Variants in HIF1AN observed in about 807,000 individuals in gnomAD.
HIF1AN encodes the protein hypoxia-inducible factor 1-alpha inhibitor.
Under a neutral mutation model 47.7 loss-of-function variants are expected in HIF1AN, and 21 were observed. The ratio of observed to expected loss-of-function variants is 0.44; its 90% CI spans 0.31 to 0.63. HIF1AN has a LOEUF of 0.63. Among genes scored for constraint, HIF1AN ranks in the 30% least tolerant of loss-of-function variants. The pLI is 0.07. For missense variants in HIF1AN, 320 were observed against 432.7 expected (o/e 0.74, Z 2.31); for synonymous variants, 152 against 155.9 (o/e 0.98, Z 0.18).
rs1047707304 is a variant in HIF1AN, at chr10:100,558,232, A to G, written c.*10095A>G. 1 of 152,278 alleles carries G rather than the reference A, an allele frequency of 6.6e-6. No individual in the cohort carries two copies. 9.4% of individuals were successfully genotyped at this position (152,278 alleles called of 1,614,324 possible). The stretch of plus-strand genomic sequence containing the variant: ...AGGGTGAGGAGGCCAGCATTCTGTC[A>G]GGAGAACCTTAGGAATTGTGACCAG... On this transcript the variant is annotated 3_prime_UTR_variant, in exon 8 of 8. Coordinates refer to ENST00000299163, the MANE Select transcript of HIF1AN (RefSeq NM_017902.3).
At position 100,545,845 on chromosome 10, in the gene HIF1AN, G is replaced by T. The variant is rs58091100; in HGVS notation, c.724-98G>T. ...TTTTTTAAGGCATCGTTTTTTTTTT[G>T]TTTGTTTGTTTGTTTTTACTGCCAA... On this transcript the variant is annotated intron_variant, in intron 4 of 7. Transcript: ENST00000299163. 3,768 of 644,792 alleles carry T rather than the reference G, an allele frequency of 5.8e-3. 27 individuals are homozygous for T. Among genetic ancestry groups the T allele is most frequent in the East Asian group, 0.033 (1,159 of 34,860 alleles). 39.9% of individuals were successfully genotyped at this position (644,792 alleles called of 1,614,324 possible).
rs997121656 is a variant in HIF1AN at position 100,548,983 on chromosome 10, CTGTG to C, written c.*850_*853del. 1 of 152,268 alleles carries C rather than the reference CTGTG, an allele frequency of 6.6e-6. No individual in the cohort carries two copies. The highest frequency in any genetic ancestry group is 2.4e-5 in the African/African-American group (1 of 41,314). 9.4% of individuals were successfully genotyped at this position (152,268 alleles called of 1,614,324 possible). A position where few individuals can be genotyped will look rare whatever the true frequency, so the allele number is the denominator to read the frequency against. On this transcript the variant is annotated 3_prime_UTR_variant, in exon 8 of 8. Coordinates refer to ENST00000299163, the MANE Select transcript of HIF1AN (RefSeq NM_017902.3). ...CTCTAGGTTCTAGGGGTGCAAGCCT[CTGTG>C]TGTTTGTTTGTGTGTGTCTGTGTGT...
In HIF1AN at chr10:100,544,699, C is replaced by T. The variant is rs537874407; in HGVS notation, c.578-252C>T. ...TCTTGCTTCCAGTAAGGGCAGCAGC[C>T]TTCATTTAGGGAAGTTGACTTAGCT... is the stretch of plus-strand genomic sequence containing the variant. On this transcript the variant is annotated intron_variant, in intron 3 of 7. Transcript: ENST00000299163. Among the ~76,000 whole-genome samples, 3 of 152,278 alleles carry T rather than the reference C, an allele frequency of 2.0e-5. No homozygotes were observed. In the East Asian group the frequency reaches 5.8e-4, roughly 29 times the overall value.
At chr10:100,539,063 C>T (rs1842991206) in intron 2 of HIF1AN, among the ~76,000 whole-genome samples, 1 of 151,882 alleles carries the variant, frequency 6.6e-6, no homozygotes, top group African/African-American at 2.4e-5. Context: ...GTGCTGCCAC[C>T]ACCATGCCCA....
In HIF1AN at chr10:100,540,565, G is replaced by T. The variant is rs1251195230; in HGVS notation, c.429-69G>T. On this transcript the variant is annotated intron_variant, in intron 2 of 7. Transcript: ENST00000299163. ...GTATGGATTTGGGCTTGGATTTTCA[G>T]ATGTGGAGAGGCCATGCCAGGGGCT... is the stretch of plus-strand genomic sequence containing the variant. 1.3e-5 allele frequency: 21 copies of T among 1,564,624 alleles called. No individual in the cohort carries two copies. The Admixed American group carries it at 3.8e-4, about 28-fold the overall frequency.
chr10:100,546,731 G>A, intron 6 of HIF1AN, 150 bp downstream of exon 6: 2 of 660,784 alleles, frequency 3.0e-6, no homozygotes, highest in East Asian at 5.4e-5. Flanking sequence ...GATTGAATTG[G>A]GTTTCTTTTT....
chr10:100,546,984 C>T (rs886606580), intron 6 of HIF1AN, among the ~76,000 whole-genome samples, 156 bp from the exon 7 acceptor site: 1 of 152,096 alleles, frequency 6.6e-6, no homozygotes, highest in African/African-American at 2.4e-5. Flanking sequence ...AAGTGATCCA[C>T]CCGCCTCGGC....
At chr10:100,545,283 TG>T (rs1843083029) in intron 4 of HIF1AN, 187 bp downstream of exon 4, 1 of 554,002 alleles carries the variant, frequency 1.8e-6, no homozygotes, top group Admixed American at 3.4e-5. Flanking sequence ...GGCCACCAGA[TG>T]TTTGTAAGTA....
intron 4 of HIF1AN, chr10:100,545,581 C>G (rs1210097358): frequency 9.1e-6 from 2 of 218,908 alleles, no homozygotes; most frequent in Non-Finnish European, 1.8e-5. Flanking sequence ...TGTCTAGCTA[C>G]TTCATGTGGG....
At chr10:100,546,643 A>T (rs1843096835) in intron 6 of HIF1AN, 62 bp downstream of exon 6, 9 of 1,256,306 alleles carry the variant, frequency 7.2e-6, no homozygotes, top group Non-Finnish European at 1.0e-5. Flanking sequence ...TGAGGTAGGT[A>T]TAATAAATGA....
At chr10:100,536,378 A>G in intron 1 of HIF1AN, 33 bp from the exon 2 acceptor site, 1 of 1,608,580 alleles carries the variant, frequency 6.2e-7, no homozygotes, top group Non-Finnish European at 8.5e-7. Flanking sequence ...GCATTACTTC[A>G]TTTGGTGTTT....
intron 4 of HIF1AN, 139 bp from the exon 5 acceptor site, chr10:100,545,804 A>G (rs1843087466): frequency 3.2e-6 from 2 of 634,802 alleles, no homozygotes; most frequent in Non-Finnish European, 2.8e-6. Context: ...TCTGCTGGAT[A>G]TAAATTCCAA....
chr10:100,545,264 C>G, intron 4 of HIF1AN, 168 bp downstream of exon 4: 3 of 649,188 alleles, frequency 4.6e-6, no homozygotes, highest in Non-Finnish European at 5.0e-6. Flanking sequence ...ATTCCAGGCT[C>G]CCTGGAGTGG....
intron 3 of HIF1AN, among the ~76,000 whole-genome samples, chr10:100,541,336 A>G (rs928436060): frequency 6.6e-6 from 1 of 152,230 alleles, no homozygotes; most frequent in Non-Finnish European, 1.5e-5. Flanking sequence ...GGCTACAGTG[A>G]ACTATGATTG....
At position 100,545,030 on chromosome 10, in the gene HIF1AN, C is replaced by T. The variant is rs775216630; in HGVS notation, c.657C>T (p.Phe219=). The T allele has an allele frequency of 5.6e-6, 9 of 1,614,190 alleles. No homozygotes were observed. The East Asian group carries it at 6.7e-5, about 12-fold the overall frequency. ...QIKGYKRCIL[F]PPDQFECLYP... Reference sequence around the variant, plus strand: ...AAGGTTACAAACGATGCATCTTATTCCCTCCGGATCAGTTCGAGTGCCTCT... The same window carrying T: ...AAGGTTACAAACGATGCATCTTATTTCCTCCGGATCAGTTCGAGTGCCTCT... Residue 219 remains phenylalanine (F), a synonymous_variant, in exon 4 of 8, where the codon TTC becomes TTT. Transcript: ENST00000299163.
intron 3 of HIF1AN, among the ~76,000 whole-genome samples, chr10:100,543,464 T>C (rs1182571464): frequency 6.6e-6 from 1 of 152,120 alleles, no homozygotes; most frequent in Non-Finnish European, 1.5e-5. Flanking sequence ...CCTCTCACCT[T>C]GGCCCCCTAA....
chr10:100,540,886 A>G (rs1843021349), intron 3 of HIF1AN, 104 bp downstream of exon 3: 2 of 1,054,796 alleles, frequency 1.9e-6, no homozygotes, highest in East Asian at 2.7e-5. Context: ...AAGCCACTTC[A>G]CTTTCTTAAG....
chr10:100,536,034 G>A lies in HIF1AN; in HGVS notation c.76G>A (p.Ala26Thr). Residue 26 changes from alanine to threonine, a missense_variant, in exon 1 of 8, where the codon GCC becomes ACC. This residue lies in a region of HIF1AN where 159 missense variants were observed against 159.9 expected (regional missense o/e 0.99). Transcript: ENST00000299163. ...PREEAGALGP[A>T]WDESQLRSYS... Reference sequence around the variant, plus strand: ...GGAGGAGGCTGGAGCCCTCGGCCCCGCCTGGGATGAATCCCAGTTGCGCAG... The same window carrying A: ...GGAGGAGGCTGGAGCCCTCGGCCCCACCTGGGATGAATCCCAGTTGCGCAG... The A allele has an allele frequency of 6.2e-7, 1 of 1,605,142 alleles. No individual in the cohort carries two copies. The highest frequency in any genetic ancestry group is 8.5e-7 in the Non-Finnish European group (1 of 1,176,258).
chr10:100,550,994 A>G lies in HIF1AN; in HGVS notation c.*2857A>G, dbSNP rs1027166848. Reference sequence around the variant, plus strand: ...TCCTAGCTGGCAGTGTGGGACACACACATACAGCAAGTGAAGGTGGGGGTT... The same window carrying G: ...TCCTAGCTGGCAGTGTGGGACACACGCATACAGCAAGTGAAGGTGGGGGTT... On this transcript the variant is annotated 3_prime_UTR_variant, in exon 8 of 8. Coordinates refer to ENST00000299163, the MANE Select transcript of HIF1AN (RefSeq NM_017902.3). The G allele has an allele frequency of 5.9e-5, 9 of 152,270 alleles. No homozygotes were observed. Among genetic ancestry groups the G allele is most frequent in the Non-Finnish European group, 1.0e-4 (7 of 68,066 alleles). The allele number at this position is 152,270 out of a possible 1,614,324, so 9.4% of individuals were successfully genotyped here.
Sources: allele counts gnomAD v4.1 joint callset (sites outside exome capture counted in the v4.1 genomes callset), GRCh38; gene constraint gnomAD v4.1.1; regional missense constraint gnomAD v4.1.1; transcripts MANE v1.5; gene names NCBI Gene and HGNC (gene_info 2026-07-23, HGNC 2026-07-21).